Variants in HMX1 observed in about 807,000 individuals in gnomAD.
The protein encoded by HMX1 is homeobox protein HMX1.
Under a neutral mutation model 8.9 loss-of-function variants are expected in HMX1, and 8 were observed. The ratio of observed to expected loss-of-function variants is 0.90; its 90% CI spans 0.53 to 1.63. HMX1 has a LOEUF of 1.63. Ranked by LOEUF, HMX1 falls within the 40% of genes most tolerant of loss-of-function variation. The pLI is 0.00. For missense variants in HMX1, 621 were observed against 558.5 expected (o/e 1.11, Z -1.13); for synonymous variants, 311 against 283.4 (o/e 1.10, Z -0.98).
chr4:8,852,816 G>T (rs974149677), intron 1 of HMX1, among the ~76,000 whole-genome samples: 1 of 152,178 alleles, frequency 6.6e-6, no homozygotes. Flanking sequence ...CCAGAGAAAC[G>T]AAAGCAGAAA....
Position 8,868,505 on chromosome 4 carries a change from T to G in HMX1, c.395-160A>C, listed in dbSNP as rs1722107434. Among the ~76,000 whole-genome samples the G allele has an allele frequency of 6.6e-6, 1 of 151,976 alleles. No homozygotes were observed. ...CCAGCAGCTCTGGGGATGCACACAT[T>G]GTCAGAACCGTGGGAGGCGGCCCAG... On this transcript the variant is annotated intron_variant, in intron 1 of 1. Coordinates refer to ENST00000400677, the MANE Select transcript of HMX1 (RefSeq NM_018942.3). The surrounding 1 kb of genome is among the most constrained non-coding windows in gnomAD (Gnocchi z 4.6).
At position 8,867,722 on chromosome 4, in the gene HMX1, G is replaced by C; in HGVS notation, c.1018C>G (p.Leu340Val). ...AFPAAASVPF[L>V]RAQMPGLV ...ACCAGGCCAGGCATCTGCGCCCGCAGAAAGGGCACGGAGGCGGCGGCCGGG... is the reference window on the plus strand; with the variant it reads ...ACCAGGCCAGGCATCTGCGCCCGCACAAAGGGCACGGAGGCGGCGGCCGGG... Residue 340 changes from leucine (L) to valine (V), a missense_variant, in exon 2 of 2, where the codon CTG becomes GTG. Transcript: ENST00000400677. 1 of 1,281,120 alleles carries C rather than the reference G, an allele frequency of 7.8e-7. No homozygotes were observed. The highest frequency in any genetic ancestry group is 9.8e-7 in the Non-Finnish European group (1 of 1,017,506). 79.4% of individuals were successfully genotyped at this position (1,281,120 alleles called of 1,614,324 possible). A position where few individuals can be genotyped will look rare whatever the true frequency, so the allele number is the denominator to read the frequency against.
chr4:8,847,211 G>T lies in HMX1; in HGVS notation c.395-887C>A, dbSNP rs1404725825. Among the ~76,000 whole-genome samples, 3 of 152,200 alleles carry T rather than the reference G, an allele frequency of 2.0e-5. No individual in the cohort carries two copies. Among genetic ancestry groups the T allele is most frequent in the Admixed American group, 6.5e-5 (1 of 15,284 alleles). On this transcript the variant is annotated intron_variant, in intron 1 of 1. Coordinates refer to the HMX1 transcript ENST00000506970. This position sits in a 1 kb window ranked among gnomAD's most constrained non-coding sequence, Gnocchi z 6.0. ...CCAGCTACTTGGGAGGCTGAGTGGG[G>T]AGGGTTGAGCCCAGGAGCTCCAGTC...
downstream of HMX1, among the ~76,000 whole-genome samples, chr4:8,865,142 T>C (rs1229053654): frequency 6.6e-6 from 1 of 152,208 alleles, no homozygotes; most frequent in Non-Finnish European, 1.5e-5. Flanking sequence ...GCTCCAGTGC[T>C]GACTGAACCG....
Position 8,868,011 on chromosome 4 carries a change from G to C in HMX1, c.729C>G (p.Thr243=), listed in dbSNP as rs768823570. 3.9e-6 allele frequency: 6 copies of C among 1,544,100 alleles called. No individual in the cohort carries two copies. The highest frequency in any genetic ancestry group is 2.5e-5 in the East Asian group (1 of 39,540). ...RAGLAASLQL[T]ETQVKIWFQN... ...GGAACCAGATCTTAACCTGCGTCTCGGTGAGCTGCAGGGAGGCGGCCAGGC... is the reference window on the plus strand; with the variant it reads ...GGAACCAGATCTTAACCTGCGTCTCCGTGAGCTGCAGGGAGGCGGCCAGGC... The change falls in exon 2 of 2, where the codon ACC becomes ACG. Residue 243 remains threonine (T), a synonymous_variant. Coordinates refer to ENST00000400677, the MANE Select transcript of HMX1 (RefSeq NM_018942.3). The surrounding 1 kb of genome is among the most constrained non-coding windows in gnomAD (Gnocchi z 4.6).
downstream of HMX1, among the ~76,000 whole-genome samples, chr4:8,866,317 A>G (rs971361955): frequency 2.6e-5 from 4 of 152,358 alleles, no homozygotes; most frequent in East Asian, 1.9e-4. Context: ...ACCCAAGTGA[A>G]GCAGGACAGG....
intron 1 of HMX1, among the ~76,000 whole-genome samples, chr4:8,856,367 G>A (rs985982556): frequency 9.9e-5 from 15 of 152,182 alleles, no homozygotes; most frequent in Non-Finnish European, 1.8e-4. Flanking sequence ...GGTGGGGGTG[G>A]GATGAGGAAT....
In HMX1 at chr4:8,871,792, G is replaced by A; in HGVS notation, c.-178C>T. On this transcript the variant is annotated 5_prime_UTR_variant, in exon 1 of 2. Transcript: ENST00000400677. The surrounding 1 kb of genome is among the most constrained non-coding windows in gnomAD (Gnocchi z 4.8). ...CGGGCTGGGCTGGGCCGGGCCGGGAGCGAGTGCGCGCCGACAGCTGATCGG... is the reference window on the plus strand; with the variant it reads ...CGGGCTGGGCTGGGCCGGGCCGGGAACGAGTGCGCGCCGACAGCTGATCGG... The A allele has an allele frequency of 1.3e-6, 1 of 793,716 alleles. No homozygotes were observed. The highest frequency in any genetic ancestry group is 1.5e-6 in the Non-Finnish European group (1 of 653,542). The allele number at this position is 793,716 out of a possible 1,614,324, so 49.2% of individuals were successfully genotyped here. A position where few individuals can be genotyped will look rare whatever the true frequency, so the allele number is the denominator to read the frequency against.
In HMX1 at chr4:8,870,532, C is replaced by T. The variant is rs554516296; in HGVS notation, c.394+689G>A. 2.6e-4 allele frequency among the ~76,000 whole-genome samples: 39 copies of T among 152,228 alleles called. No homozygotes were observed. Among genetic ancestry groups the T allele is most frequent in the African/African-American group, 8.9e-4 (37 of 41,546 alleles). On this transcript the variant is annotated intron_variant, in intron 1 of 1. Transcript: ENST00000400677. This position sits in a 1 kb window ranked among gnomAD's most constrained non-coding sequence, Gnocchi z 4.4. ...GGCTCCCTTCTTGCCTGGCACAGCC[C>T]ATGCCCCTCAAGGACCAAGAGGGAG...
rs897968429 is a variant in HMX1 at position 8,868,793 on chromosome 4, A to G, written c.395-448T>C. 5.3e-5 allele frequency among the ~76,000 whole-genome samples: 8 copies of G among 152,046 alleles called. No homozygotes were observed. The highest frequency in any genetic ancestry group is 1.9e-4 in the African/African-American group (8 of 41,386). On this transcript the variant is annotated intron_variant, in intron 1 of 1. Coordinates refer to ENST00000400677, the MANE Select transcript of HMX1 (RefSeq NM_018942.3). This position sits in a 1 kb window ranked among gnomAD's most constrained non-coding sequence, Gnocchi z 4.6. Reference sequence around the variant, plus strand: ...AGATGTCCTTCCGAGAAATGTTCACACCGAAAAACAAGCACAGGACACCCC... The same window carrying G: ...AGATGTCCTTCCGAGAAATGTTCACGCCGAAAAACAAGCACAGGACACCCC...
chr4:8,865,672 G>A (rs1014450445), downstream of HMX1, among the ~76,000 whole-genome samples: 7 of 152,290 alleles, frequency 4.6e-5, no homozygotes, highest in African/African-American at 1.7e-4. Flanking sequence ...CAGAAGGGGC[G>A]GGGGGTGAGG....
chr4:8,856,772 A>G (rs1007314223), intron 1 of HMX1, among the ~76,000 whole-genome samples: 6 of 152,166 alleles, frequency 3.9e-5, no homozygotes, highest in African/African-American at 9.7e-5. Context: ...TAAAAACTAC[A>G]TACATCATGA....
Position 8,853,407 on chromosome 4 carries a change from A to G in HMX1, c.395-7083T>C, listed in dbSNP as rs148682084. Reference sequence around the variant, plus strand: ...CACCCAACTTCCTGATAAGTCAAAGATCTATCCAGATGTTGCCCGCTGCAC... The same window carrying G: ...CACCCAACTTCCTGATAAGTCAAAGGTCTATCCAGATGTTGCCCGCTGCAC... On this transcript the variant is annotated intron_variant, in intron 1 of 1. Transcript: ENST00000506970. This position sits in a 1 kb window ranked among gnomAD's most constrained non-coding sequence, Gnocchi z 4.7. Among the ~76,000 whole-genome samples the G allele has an allele frequency of 6.6e-6, 1 of 152,160 alleles. No homozygotes were observed. Among genetic ancestry groups the G allele is most frequent in the East Asian group, 1.9e-4 (1 of 5,186 alleles).
At chr4:8,855,974 C>T (rs1721597762) in intron 1 of HMX1, among the ~76,000 whole-genome samples, 1 of 152,194 alleles carries the variant, frequency 6.6e-6, no homozygotes, top group Admixed American at 6.5e-5. Flanking sequence ...CGGACAGTAG[C>T]ATGCTGGAAG....
chr4:8,855,678 T>C (rs890146447), intron 1 of HMX1, among the ~76,000 whole-genome samples: 2 of 152,160 alleles, frequency 1.3e-5, no homozygotes, highest in African/African-American at 4.8e-5. Context: ...CCTTGGAGAC[T>C]CCCAGTCTGT....
exon 2 of HMX1, chr4:8,846,277 C>T: frequency 6.5e-7 from 1 of 1,535,354 alleles, no homozygotes; most frequent in Non-Finnish European, 8.7e-7. Context: ...GCTCTGGTCA[C>T]CTGCCCCTCT....
chr4:8,871,526 T>C lies in HMX1; in HGVS notation c.89A>G (p.Lys30Arg). The change falls in exon 1 of 2, where the codon AAG becomes AGG. Residue 30 changes from lysine (K) to arginine (R), a missense_variant. By Grantham distance (26) the Lys-to-Arg change is conservative. Coordinates refer to ENST00000400677, the MANE Select transcript of HMX1 (RefSeq NM_018942.3). The surrounding 1 kb of genome is among the most constrained non-coding windows in gnomAD (Gnocchi z 4.8). ...LIENLLAAEA[K>R]GAGRATQGDG... ...GCCCTGGGTCGCGCGCCCTGCGCCC[T>C]TGGCCTCGGCCGCCAGCAGGTTCTC... is the stretch of plus-strand genomic sequence containing the variant. 2 of 1,347,594 alleles carry C rather than the reference T, an allele frequency of 1.5e-6. No homozygotes were observed. The highest frequency in any genetic ancestry group is 9.5e-7 in the Non-Finnish European group (1 of 1,048,098). The allele number at this position is 1,347,594 out of a possible 1,614,324, so 83.5% of individuals were successfully genotyped here.
chr4:8,859,424 A>T (rs957441808), intron 1 of HMX1, among the ~76,000 whole-genome samples: 40 of 152,214 alleles, frequency 2.6e-4, no homozygotes, highest in African/African-American at 8.4e-4. Flanking sequence ...CGCGGGACTT[A>T]GAAAATTCCA....
At position 8,868,147 on chromosome 4, in the gene HMX1, A is replaced by C; in HGVS notation, c.593T>G (p.Val198Gly). Reference sequence around the variant, plus strand: ...CGTCTTCTTCTTTCGGCCGCCGCCCACGCCAACGCCGCCGCGTGTCTCCCC... The same window carrying C: ...CGTCTTCTTCTTTCGGCCGCCGCCCCCGCCAACGCCGCCGCGTGTCTCCCC... Reference protein sequence around the residue: ...AAGETRGGVGVGGGRKKKTRT... With the variant: ...AAGETRGGVGGGGGRKKKTRT... Residue 198 changes from valine to glycine, a missense_variant, in exon 2 of 2, where the codon GTG becomes GGG. Val to Gly is a moderately radical substitution (Grantham distance 109). Coordinates refer to ENST00000400677, the MANE Select transcript of HMX1 (RefSeq NM_018942.3). The surrounding 1 kb of genome is among the most constrained non-coding windows in gnomAD (Gnocchi z 4.6). 1 of 1,506,318 alleles carries C rather than the reference A, an allele frequency of 6.6e-7. No individual in the cohort carries two copies. Among genetic ancestry groups the C allele is most frequent in the African/African-American group, 1.4e-5 (1 of 69,900 alleles). The allele number at this position is 1,506,318 out of a possible 1,614,324, so 93.3% of individuals were successfully genotyped here.
Sources: gnomAD v4.1 joint callset for allele counts (sites outside exome capture counted in the v4.1 genomes callset) on GRCh38, gnomAD v4.1.1 for gene constraint, Gnocchi (gnomAD v3.1) non-coding constraint, MANE v1.5 for transcripts, NCBI Gene and HGNC (gene_info 2026-07-23, HGNC 2026-07-21) for gene names.